NRG1: variants seen among roughly 807,000 people sequenced by gnomAD.
NRG1 encodes neuregulin 1, also known as pro-neuregulin-1, membrane-bound isoform.
A neutral mutation model predicts 63.8 loss-of-function variants in NRG1; 18 were observed. The ratio of observed to expected loss-of-function variants is 0.28; its 90% confidence interval spans 0.19 to 0.42. The LOEUF (loss-of-function observed/expected upper bound fraction) is 0.42. Ranked by LOEUF, NRG1 falls within the 10% of genes least tolerant of loss-of-function variation. NRG1 has a pLI of 1.00. For synonymous variants in NRG1, 302 were observed against 301.3 expected, an observed-to-expected ratio of 1.00 and a Z score of -0.02; for missense variants, 762 against 814.7, an observed-to-expected ratio of 0.94 and a Z score of 0.79.
At chr8:31,758,037 C>T (rs1215015678) in intron 1 of NRG1, among the ~76,000 whole-genome samples, 3 of 152,000 alleles carry the variant, frequency 2.0e-5, no homozygotes, top group Non-Finnish European at 4.4e-5. Context: ...ACAGTGGGTA[C>T]TCTGTTGTGC....
chr8:31,937,364 G>A (rs1194293528), intron 1 of NRG1, among the ~76,000 whole-genome samples: 1 of 151,998 alleles, frequency 6.6e-6, no homozygotes, highest in African/African-American at 2.4e-5. Flanking sequence ...AAAAGAAAAA[G>A]ATATTTTAGG....
At chr8:32,043,071 A>G (rs1398058195) in intron 1 of NRG1, among the ~76,000 whole-genome samples, 2 of 151,872 alleles carry the variant, frequency 1.3e-5, no homozygotes, top group Admixed American at 6.6e-5. Context: ...GCCAAATCAC[A>G]TAAACCTACA....
chr8:32,573,444 T>C lies in NRG1; in HGVS notation c.101-22384T>C, dbSNP rs148965240. 9.2e-5 allele frequency among the ~76,000 whole-genome samples: 14 copies of C among 152,358 alleles called. 1 individual carries two copies. In the East Asian group the frequency reaches 2.7e-3, roughly 29 times the overall value. On this transcript the variant is annotated intron_variant, in intron 1 of 11. Coordinates refer to ENST00000356819, the Ensembl canonical transcript of NRG1. ...CCGTATTTTGCTGACCTCTGCTCTA[T>C]AATATTCCTTGAAGAGATACTATTA... is the stretch of plus-strand genomic sequence containing the variant.
At chr8:32,386,110 T>C (rs1810989940) in intron 1 of NRG1, among the ~76,000 whole-genome samples, 1 of 152,166 alleles carries the variant, frequency 6.6e-6, no homozygotes, top group Admixed American at 6.5e-5. Context: ...TCAATTTATT[T>C]ATTTATTTAG....
At chr8:32,566,020 G>T (rs73234151) in intron 1 of NRG1, among the ~76,000 whole-genome samples, 31,293 of 151,986 alleles carry the variant, frequency 0.21, 3,920 homozygotes, top group Admixed American at 0.34. Flanking sequence ...GAAACCTGTC[G>T]GTAGACTCAG....
intron 5 of NRG1, among the ~76,000 whole-genome samples, chr8:32,707,511 A>G (rs1294012217): frequency 6.6e-6 from 1 of 152,112 alleles, no homozygotes; most frequent in Admixed American, 6.5e-5. Context: ...GTTACCTTTA[A>G]CTATTCAGCA....
At chr8:31,896,972 T>C (rs1831626935) in intron 1 of NRG1, among the ~76,000 whole-genome samples, 1 of 152,218 alleles carries the variant, frequency 6.6e-6, no homozygotes, top group African/African-American at 2.4e-5. Flanking sequence ...ATGAAGAATT[T>C]GTATGAATAA....
At chr8:32,477,959 A>G (rs1031886116) in intron 1 of NRG1, among the ~76,000 whole-genome samples, 1 of 152,218 alleles carries the variant, frequency 6.6e-6, no homozygotes, top group Admixed American at 6.5e-5. Context: ...ATCTTCACCA[A>G]TGCCACAGTC....
intron 1 of NRG1, among the ~76,000 whole-genome samples, chr8:31,928,352 T>TAAAAAAAAAAAAAAAAA (rs77001238): frequency 1.5e-4 from 12 of 80,116 alleles, no homozygotes; most frequent in African/African-American, 5.9e-4. Context: ...ATGGATGTGG[T>TAAAAAAAAAAAAAAAAA]AAAAAAAAAA....
At chr8:32,477,017 T>C (rs1824605513) in intron 1 of NRG1, among the ~76,000 whole-genome samples, 1 of 152,146 alleles carries the variant, frequency 6.6e-6, no homozygotes, top group Admixed American at 6.5e-5. Flanking sequence ...AGACAATGTA[T>C]GTAGATCAAA....
At chr8:32,224,108 A>T (rs553559236) in intron 1 of NRG1, among the ~76,000 whole-genome samples, 1 of 152,192 alleles carries the variant, frequency 6.6e-6, no homozygotes, top group Non-Finnish European at 1.5e-5. Context: ...CTTTGAGTCA[A>T]TGTAAGAAGA....
At chr8:32,583,906 T>G (rs1033518969) in intron 1 of NRG1, among the ~76,000 whole-genome samples, 2 of 152,234 alleles carry the variant, frequency 1.3e-5, no homozygotes, top group Admixed American at 6.5e-5. Context: ...TCATTTTGAC[T>G]TCTTTCGTGT....
chr8:31,972,288 C>T (rs553464428), intron 1 of NRG1, among the ~76,000 whole-genome samples: 95 of 152,208 alleles, frequency 6.2e-4, no homozygotes, highest in African/African-American at 2.0e-3. Context: ...TGGTCTTACT[C>T]GAATCCCTGT....
intron 1 of NRG1, among the ~76,000 whole-genome samples, chr8:31,709,139 T>G (rs1306639202): frequency 1.3e-5 from 2 of 152,028 alleles, no homozygotes; most frequent in African/African-American, 2.4e-5. Flanking sequence ...AAGGTTCAAC[T>G]GTAGTCCTTT....
chr8:32,169,146 C>T (rs1272486561), intron 1 of NRG1, among the ~76,000 whole-genome samples: 1 of 152,138 alleles, frequency 6.6e-6, no homozygotes, highest in African/African-American at 2.4e-5. Context: ...ACATCACACA[C>T]CCATCTAGAA....
At chr8:31,893,736 C>A (rs1831335580) in intron 1 of NRG1, among the ~76,000 whole-genome samples, 1 of 151,760 alleles carries the variant, frequency 6.6e-6, no homozygotes, top group Admixed American at 6.6e-5. Context: ...GACTTGTGGT[C>A]TGTAAAGAAT....
At chr8:31,736,143 T>A (rs1814640489) in intron 1 of NRG1, among the ~76,000 whole-genome samples, 2 of 152,142 alleles carry the variant, frequency 1.3e-5, no homozygotes, top group Admixed American at 6.5e-5. Context: ...TAATGCCACC[T>A]GACCTCTTTT....
At chr8:31,830,860 G>A (rs1825081249) in intron 1 of NRG1, among the ~76,000 whole-genome samples, 1 of 152,086 alleles carries the variant, frequency 6.6e-6, no homozygotes, top group Non-Finnish European at 1.5e-5. Context: ...GGATAGTGAT[G>A]GGATTTTGCT....
At chr8:32,511,149 G>A (rs1829144798) in intron 1 of NRG1, among the ~76,000 whole-genome samples, 1 of 150,160 alleles carries the variant, frequency 6.7e-6, no homozygotes, top group Admixed American at 6.6e-5. Context: ...TTACCTCCTG[G>A]ACCAGATGAA....
Sources: gnomAD v4.1 joint callset for allele counts (sites outside exome capture counted in the v4.1 genomes callset) on GRCh38, gnomAD v4.1.1 for gene constraint, MANE v1.5 for transcripts, NCBI Gene and HGNC (gene_info 2026-07-23, HGNC 2026-07-21) for gene names.